Variants in SH3BGRL2 observed in about 807,000 individuals in gnomAD.
SH3BGRL2 encodes SH3 domain-binding glutamic acid-rich-like protein 2.
In SH3BGRL2, 21 loss-of-function variants were observed where a neutral mutation model predicts 14.8. That is an observed-to-expected ratio of 1.42 (90% CI 1.01 to 2.05). SH3BGRL2 has a LOEUF of 2.05. SH3BGRL2 is among the 30% of genes most tolerant of loss of function. The pLI is 0.00. For missense variants in SH3BGRL2, 147 were observed against 130.8 expected, an observed-to-expected ratio of 1.12 and a Z score of -0.61; for synonymous variants, 50 against 47.8, an observed-to-expected ratio of 1.05 and a Z score of -0.19.
chr6:79,686,737 T>C (rs1770105569), intron 2 of SH3BGRL2, among the ~76,000 whole-genome samples: 1 of 152,180 alleles, frequency 6.6e-6, no homozygotes, highest in Non-Finnish European at 1.5e-5. Flanking sequence ...TAGTTCTAGT[T>C]GTTAGTTTTT....
the SH3BGRL2 span, among the ~76,000 whole-genome samples, chr6:79,602,052 G>T: frequency 0.17 from 26,499 of 151,960 alleles, 2,419 homozygotes; most frequent in South Asian, 0.22. Flanking sequence ...CCAACACTTC[G>T]AATTTAAAAA....
At chr6:79,693,048 A>G (rs1460346661) in intron 2 of SH3BGRL2, among the ~76,000 whole-genome samples, 1 of 151,884 alleles carries the variant, frequency 6.6e-6, no homozygotes, top group Non-Finnish European at 1.5e-5. Context: ...AGTGGTTTGT[A>G]GTTCTCCTTG....
chr6:79,616,290 A>G, the SH3BGRL2 span, among the ~76,000 whole-genome samples: 1 of 152,208 alleles, frequency 6.6e-6, no homozygotes, highest in Admixed American at 6.5e-5. Flanking sequence ...CCACAAGAAG[A>G]AACAGGAACC....
the SH3BGRL2 span, among the ~76,000 whole-genome samples, chr6:79,621,737 G>A: frequency 3.3e-5 from 5 of 152,186 alleles, no homozygotes; most frequent in East Asian, 3.9e-4. Context: ...TTAACCCGTC[G>A]TGGCTCTCCC....
the SH3BGRL2 span, among the ~76,000 whole-genome samples, chr6:79,548,567 C>T: frequency 2.2e-4 from 34 of 152,192 alleles, 1 homozygote; most frequent in African/African-American, 7.7e-4. Flanking sequence ...TGTAGTACTA[C>T]AGGAAATAAC....
At chr6:79,570,924 G>A in the SH3BGRL2 span, among the ~76,000 whole-genome samples, 21 of 152,192 alleles carry the variant, frequency 1.4e-4, no homozygotes, top group Non-Finnish European at 2.4e-4. Flanking sequence ...TGTAATTATA[G>A]AAAAGGGCCC....
At chr6:79,537,666 A>G in the SH3BGRL2 span, among the ~76,000 whole-genome samples, 1 of 152,196 alleles carries the variant, frequency 6.6e-6, no homozygotes, top group Non-Finnish European at 1.5e-5. Context: ...CCAGGGCTCG[A>G]CTGCTGAGCG....
the SH3BGRL2 span, among the ~76,000 whole-genome samples, chr6:79,537,662 C>T: frequency 5.9e-5 from 9 of 152,316 alleles, no homozygotes; most frequent in Non-Finnish European, 7.3e-5. Context: ...GGTGCCAGGG[C>T]TCGACTGCTG....
At chr6:79,637,186 C>T (rs148578139) in intron 1 of SH3BGRL2, among the ~76,000 whole-genome samples, 58 of 152,116 alleles carry the variant, frequency 3.8e-4, no homozygotes, top group African/African-American at 1.3e-3. Flanking sequence ...GAAGATCTAA[C>T]CTCAGTTTTT....
intron 2 of SH3BGRL2, among the ~76,000 whole-genome samples, chr6:79,683,837 T>G (rs557159694): frequency 6.6e-6 from 1 of 152,272 alleles, no homozygotes; most frequent in African/African-American, 2.4e-5. Context: ...TTGGAGTTCT[T>G]TAGTGGATAT....
At chr6:79,541,915 T>C in the SH3BGRL2 span, among the ~76,000 whole-genome samples, 1 of 152,240 alleles carries the variant, frequency 6.6e-6, no homozygotes, top group African/African-American at 2.4e-5. Flanking sequence ...TTCCCCAGTC[T>C]GTAAATACAG....
chr6:79,547,308 A>T, the SH3BGRL2 span, among the ~76,000 whole-genome samples: 2 of 152,106 alleles, frequency 1.3e-5, no homozygotes, highest in African/African-American at 4.8e-5. Flanking sequence ...GCTGGGTAGT[A>T]AAGAGCACAA....
intron 1 of SH3BGRL2, among the ~76,000 whole-genome samples, chr6:79,641,238 C>G (rs1769029538): frequency 6.6e-6 from 1 of 151,398 alleles, no homozygotes; most frequent in Non-Finnish European, 1.5e-5. Flanking sequence ...TTCACTGGTT[C>G]TCTTTTAATA....
At chr6:79,683,708 A>G (rs1283967885) in intron 2 of SH3BGRL2, among the ~76,000 whole-genome samples, 20 of 152,114 alleles carry the variant, frequency 1.3e-4, no homozygotes, top group Non-Finnish European at 2.9e-4. Flanking sequence ...TGGCCTCCCA[A>G]AGTGCTGGGA....
At chr6:79,666,985 A>T (rs1251660109) in intron 1 of SH3BGRL2, among the ~76,000 whole-genome samples, 2 of 152,238 alleles carry the variant, frequency 1.3e-5, no homozygotes, top group Non-Finnish European at 2.9e-5. Flanking sequence ...GAAACAATTG[A>T]GCAGGTGCCC....
At chr6:79,690,056 T>C (rs1770178387) in intron 2 of SH3BGRL2, among the ~76,000 whole-genome samples, 1 of 152,072 alleles carries the variant, frequency 6.6e-6, no homozygotes, top group South Asian at 2.1e-4. Context: ...GGTGTAGTCA[T>C]TGCTCACTGC....
chr6:79,616,597 C>T, the SH3BGRL2 span, among the ~76,000 whole-genome samples: 1 of 134,842 alleles, frequency 7.4e-6, no homozygotes, highest in South Asian at 2.6e-4. Context: ...CCTGAGGTAA[C>T]ACAGACAGGC....
chr6:79,599,081 C>T, the SH3BGRL2 span, among the ~76,000 whole-genome samples: 7 of 112,276 alleles, frequency 6.2e-5, no homozygotes, highest in Non-Finnish European at 9.3e-5. Flanking sequence ...AACTCTGTCT[C>T]AAAAAAAAAA....
At chr6:79,698,710 A>T (rs981435712) in intron 3 of SH3BGRL2, among the ~76,000 whole-genome samples, 1 of 151,118 alleles carries the variant, frequency 6.6e-6, no homozygotes, top group African/African-American at 2.4e-5. Context: ...GGTTTTTTAA[A>T]GTATGTAAAT....
Sources: allele counts gnomAD v4.1 joint callset (sites outside exome capture counted in the v4.1 genomes callset), GRCh38; gene constraint gnomAD v4.1.1; transcripts MANE v1.5; gene names NCBI Gene and HGNC (gene_info 2026-07-23, HGNC 2026-07-21).